Variants in RGS6 observed in about 807,000 individuals in gnomAD.
RGS6 encodes the protein regulator of G protein signaling 6.
Under a neutral mutation model 78.5 loss-of-function variants are expected in RGS6, and 30 were observed. The ratio of observed to expected loss-of-function variants is 0.38; its 90% CI spans 0.29 to 0.52. The LOEUF is 0.52. Among genes scored for constraint, RGS6 ranks in the 20% least tolerant of loss-of-function variants. The probability of loss-of-function intolerance (pLI) is 0.85; values close to 1 mark genes in which losing one functional copy is unlikely to be tolerated. For synonymous variants in RGS6, 206 were observed against 206.0 expected, an observed-to-expected ratio of 1.00 and a Z score of 0.00; for missense variants, 495 against 609.7, an observed-to-expected ratio of 0.81 and a Z score of 1.98.
chr14:72,281,731 G>A (rs1165033891), intron 2 of RGS6, among the ~76,000 whole-genome samples: 1 of 152,122 alleles, frequency 6.6e-6, no homozygotes, highest in Non-Finnish European at 1.5e-5. Context: ...ACAAGCAAAG[G>A]CCCTAAGGCA....
the RGS6 span, among the ~76,000 whole-genome samples, chr14:72,588,257 A>T: frequency 6.6e-6 from 1 of 152,148 alleles, no homozygotes; most frequent in Non-Finnish European, 1.5e-5. Flanking sequence ...GGGAACTATC[A>T]TAAATATTGT....
At chr14:71,924,118 C>T in the RGS6 span, among the ~76,000 whole-genome samples, 1 of 152,160 alleles carries the variant, frequency 6.6e-6, no homozygotes, top group Non-Finnish European at 1.5e-5. Context: ...AATCATGGCT[C>T]ACTGGAGCCT....
intron 3 of RGS6, among the ~76,000 whole-genome samples, chr14:72,407,770 A>G (rs1183608607): frequency 6.6e-6 from 1 of 152,246 alleles, no homozygotes; most frequent in Non-Finnish European, 1.5e-5. Context: ...GCTCATTGCT[A>G]TTATGGCTGG....
chr14:72,608,518 G>GTC, the RGS6 span, among the ~76,000 whole-genome samples: 673 of 152,066 alleles, frequency 4.4e-3, 2 homozygotes, highest in Non-Finnish European at 6.8e-3. Context: ...TGCACCAGAG[G>GTC]TCTCTCTCTC....
chr14:72,553,720 C>T (rs1215307621), intron 17 of RGS6, among the ~76,000 whole-genome samples: 1 of 152,188 alleles, frequency 6.6e-6, no homozygotes, highest in East Asian at 1.9e-4. Flanking sequence ...ATACCCACTA[C>T]CTTTGAAGAT....
chr14:71,987,587 G>A (rs2094770656), intron 2 of RGS6, among the ~76,000 whole-genome samples: 1 of 152,094 alleles, frequency 6.6e-6, no homozygotes, highest in Non-Finnish European at 1.5e-5. Context: ...GTGTAATGGT[G>A]TGATCTTGGC....
chr14:71,881,337 T>C, the RGS6 span, among the ~76,000 whole-genome samples: 1 of 152,136 alleles, frequency 6.6e-6, no homozygotes, highest in African/African-American at 2.4e-5. Flanking sequence ...AAAGGCATGA[T>C]TGGTTGTGAA....
intron 17 of RGS6, chr14:72,541,275 G>T: frequency 1.4e-6 from 2 of 1,443,746 alleles, no homozygotes; most frequent in Non-Finnish European, 1.8e-6. Context: ...AAAGTCTAAG[G>T]CTCCTGGGTT....
chr14:72,045,797 G>A (rs569062309), intron 2 of RGS6, among the ~76,000 whole-genome samples: 9 of 151,956 alleles, frequency 5.9e-5, no homozygotes, highest in Admixed American at 1.3e-4. Flanking sequence ...TAAGGCTCTG[G>A]TAAAGTCTTT....
intron 2 of RGS6, among the ~76,000 whole-genome samples, chr14:72,239,247 C>T (rs1433756117): frequency 1.3e-5 from 2 of 152,124 alleles, no homozygotes; most frequent in Non-Finnish European, 2.9e-5. Context: ...GGGAATTGTG[C>T]ACACACAGTG....
the RGS6 span, among the ~76,000 whole-genome samples, chr14:71,894,695 T>G: frequency 6.6e-6 from 1 of 152,346 alleles, no homozygotes; most frequent in Non-Finnish European, 1.5e-5. Flanking sequence ...ACTATCCCAG[T>G]ACCTAAAAGG....
chr14:72,432,802 A>G (rs184744219), intron 3 of RGS6, among the ~76,000 whole-genome samples: 21 of 152,270 alleles, frequency 1.4e-4, no homozygotes, highest in African/African-American at 3.4e-4. Flanking sequence ...ACAAAATTCT[A>G]TGACCCCAGG....
intron 3 of RGS6, among the ~76,000 whole-genome samples, chr14:72,390,096 T>TTC (rs2089539500): frequency 6.7e-6 from 1 of 149,008 alleles, no homozygotes; most frequent in East Asian, 2.0e-4. Context: ...AGTTCTTTTT[T>TTC]TTTTTTTTTT....
chr14:72,211,777 G>A (rs1227429734), intron 2 of RGS6, among the ~76,000 whole-genome samples: 2 of 151,992 alleles, frequency 1.3e-5, no homozygotes, highest in Non-Finnish European at 2.9e-5. Flanking sequence ...CCAGCCCAGA[G>A]GAAAAAAGAA....
chr14:72,503,734 A>G (rs1214065228), intron 13 of RGS6, among the ~76,000 whole-genome samples: 1 of 152,170 alleles, frequency 6.6e-6, no homozygotes, highest in Non-Finnish European at 1.5e-5. Flanking sequence ...CAGCAGCCCC[A>G]CCTCCATAGC....
chr14:72,175,766 C>G (rs548997875), intron 2 of RGS6, among the ~76,000 whole-genome samples: 1 of 152,152 alleles, frequency 6.6e-6, no homozygotes, highest in Non-Finnish European at 1.5e-5. Context: ...GCGGCTGGTA[C>G]GTGCTTTCTA....
At chr14:72,360,080 A>G (rs1051074481) in intron 3 of RGS6, among the ~76,000 whole-genome samples, 3 of 152,074 alleles carry the variant, frequency 2.0e-5, no homozygotes, top group South Asian at 2.1e-4. Context: ...TATTATAGAA[A>G]TGACTCAGTG....
chr14:72,523,238 C>T (rs1006223602), intron 15 of RGS6, among the ~76,000 whole-genome samples: 1 of 152,128 alleles, frequency 6.6e-6, no homozygotes, highest in African/African-American at 2.4e-5. Flanking sequence ...GCTTGGTGGT[C>T]GCACTGAGAC....
chr14:72,221,708 G>C (rs752247512), intron 2 of RGS6, among the ~76,000 whole-genome samples: 36 of 152,202 alleles, frequency 2.4e-4, no homozygotes, highest in Non-Finnish European at 4.7e-4. Context: ...CAAAGACATA[G>C]AAAGCACCTA....
Sources: allele counts gnomAD v4.1 joint callset (sites outside exome capture counted in the v4.1 genomes callset), GRCh38; gene constraint gnomAD v4.1.1; transcripts MANE v1.5; gene names NCBI Gene and HGNC (gene_info 2026-07-23, HGNC 2026-07-21).